SHROOM3: variants seen among roughly 807,000 people sequenced by gnomAD.
The protein encoded by SHROOM3 is protein Shroom3.
SHROOM3 carries 47 observed loss-of-function variants against 138.6 expected under a neutral mutation model. The ratio of observed to expected loss-of-function variants is 0.34; its 90% CI spans 0.27 to 0.43. The LOEUF is 0.43. SHROOM3 is among the 20% of genes least tolerant of loss of function. SHROOM3 has a pLI of 1.00. For synonymous variants in SHROOM3, 1,062 were observed against 1,063.3 expected, an observed-to-expected ratio of 1.00 and a Z score of 0.02; for missense variants, 2,491 against 2,596.5, an observed-to-expected ratio of 0.96 and a Z score of 0.88.
At chr4:76,720,151 G>GTTTTTTTTT (rs59839066) in intron 3 of SHROOM3, among the ~76,000 whole-genome samples, 6 of 83,018 alleles carry the variant, frequency 7.2e-5, no homozygotes, top group Non-Finnish European at 1.3e-4. Context: ...TGTTTTTTAG[G>GTTTTTTTTT]TTTTTTTTTT....
At chr4:76,447,317 T>C (rs12640246) in intron 1 of SHROOM3, among the ~76,000 whole-genome samples, 43,436 of 151,992 alleles carry the variant, frequency 0.29, 6,999 homozygotes, top group East Asian at 0.64. Context: ...AGAAGAAAAA[T>C]TGGACTCTAG....
In SHROOM3 at chr4:76,754,951, T is replaced by C. The variant is rs1041451291; in HGVS notation, c.4468T>C (p.Ser1490Pro). 3 of 1,614,016 alleles carry C rather than the reference T, an allele frequency of 1.9e-6. No homozygotes were observed. The highest frequency in any genetic ancestry group is 1.3e-5 in the African/African-American group (1 of 74,892). The change falls in exon 7 of 11, where the codon TCT becomes CCT. Residue 1490 changes from serine (S) to proline (P), a missense_variant. Transcript: ENST00000296043. Reference sequence around the variant, plus strand: ...TCCAGGGAGGATCTCCCTCCGAATATCTGAGTCTGTCCTGCGGGACTCCCC... The same window carrying C: ...TCCAGGGAGGATCTCCCTCCGAATACCTGAGTCTGTCCTGCGGGACTCCCC... ...STPGRISLRI[S>P]ESVLRDSPPP...
intron 2 of SHROOM3, among the ~76,000 whole-genome samples, chr4:76,607,144 A>C (rs558910596): frequency 1.3e-5 from 2 of 152,316 alleles, no homozygotes; most frequent in East Asian, 3.9e-4. Context: ...AGTTTTATTG[A>C]CTAAAAGCAT....
intron 2 of SHROOM3, among the ~76,000 whole-genome samples, chr4:76,624,263 C>A (rs1434941618): frequency 2.0e-5 from 3 of 152,040 alleles, no homozygotes; most frequent in Non-Finnish European, 4.4e-5. Context: ...TCGTCTGGGG[C>A]CACATCTGTG....
chr4:76,558,375 G>A (rs896728172), intron 2 of SHROOM3, among the ~76,000 whole-genome samples: 8 of 152,210 alleles, frequency 5.3e-5, no homozygotes, highest in Non-Finnish European at 1.0e-4. Flanking sequence ...AGTGAAGTAA[G>A]TGTAAGTACA....
Position 76,563,832 on chromosome 4 carries a change from A to G in SHROOM3, c.323+8069A>G, listed in dbSNP as rs1258068192. 2.0e-5 allele frequency among the ~76,000 whole-genome samples: 3 copies of G among 152,276 alleles called. No homozygotes were observed. In the East Asian group the frequency reaches 5.8e-4, roughly 29 times the overall value. ...CCTGGACACAGAAGACAAATGAGAA[A>G]TATTTCTGTGCCATGGTAAGTTCCA... On this transcript the variant is annotated intron_variant, in intron 2 of 10. Coordinates refer to ENST00000296043, the MANE Select transcript of SHROOM3 (RefSeq NM_020859.4).
intron 2 of SHROOM3, among the ~76,000 whole-genome samples, chr4:76,588,229 A>G (rs895426567): frequency 1.3e-5 from 2 of 152,258 alleles, no homozygotes; most frequent in African/African-American, 4.8e-5. Context: ...CACTCCAAAT[A>G]TGTAATTTAA....
intron 2 of SHROOM3, among the ~76,000 whole-genome samples, chr4:76,666,676 A>C (rs768954304): frequency 6.6e-6 from 1 of 152,188 alleles, no homozygotes; most frequent in Non-Finnish European, 1.5e-5. Context: ...ATGTGGGAAG[A>C]TGTTATAAGA....
At chr4:76,586,180 T>C (rs1734148598) in intron 2 of SHROOM3, 3 of 914,652 alleles carry the variant, frequency 3.3e-6, no homozygotes, top group Non-Finnish European at 3.9e-6. Flanking sequence ...CGGCCGGCGA[T>C]TGGCCGGGAG....
intron 2 of SHROOM3, among the ~76,000 whole-genome samples, chr4:76,570,037 T>C (rs116092122): frequency 6.6e-6 from 1 of 152,276 alleles, no homozygotes; most frequent in African/African-American, 2.4e-5. Flanking sequence ...GGCCTTGATA[T>C]ATAGGTAAAG....
chr4:76,673,973 A>G (rs1721578574), intron 2 of SHROOM3, among the ~76,000 whole-genome samples: 1 of 152,200 alleles, frequency 6.6e-6, no homozygotes, highest in Non-Finnish European at 1.5e-5. Context: ...CCTGGGGTCA[A>G]GTGATCCTCC....
At chr4:76,778,598 A>C (rs962359202) in intron 10 of SHROOM3, among the ~76,000 whole-genome samples, 6 of 152,226 alleles carry the variant, frequency 3.9e-5, no homozygotes, top group African/African-American at 9.6e-5. Context: ...TCTCAAACTG[A>C]AGCTATCCTA....
At chr4:76,769,115 T>C (rs1722260587) in intron 9 of SHROOM3, among the ~76,000 whole-genome samples, 1 of 151,112 alleles carries the variant, frequency 6.6e-6, no homozygotes, top group African/African-American at 2.4e-5. Context: ...TTTTTTTGTG[T>C]GTGTGTTTTT....
intron 2 of SHROOM3, among the ~76,000 whole-genome samples, chr4:76,672,881 C>A (rs183810966): frequency 3.5e-4 from 54 of 152,314 alleles, no homozygotes; most frequent in Non-Finnish European, 5.9e-4. Context: ...CGGATACATG[C>A]ATTTTAATTT....
intron 9 of SHROOM3, among the ~76,000 whole-genome samples, chr4:76,769,177 T>C (rs1478477986): frequency 6.6e-6 from 1 of 151,688 alleles, no homozygotes; most frequent in Non-Finnish European, 1.5e-5. Context: ...GTAACCTTTA[T>C]ATTTAACCAA....
At chr4:76,543,957 A>G (rs1287448207) in intron 1 of SHROOM3, among the ~76,000 whole-genome samples, 1 of 152,196 alleles carries the variant, frequency 6.6e-6, no homozygotes, top group Non-Finnish European at 1.5e-5. Flanking sequence ...ACCTTCTTAG[A>G]CTTCTTATTA....
At chr4:76,689,617 C>T (rs1188520347) in intron 2 of SHROOM3, 1 of 985,138 alleles carries the variant, frequency 1.0e-6, no homozygotes, top group Admixed American at 6.2e-5. Flanking sequence ...GCGCCGCCTC[C>T]TCGGAGCGGC....
chr4:76,563,651 G>T (rs1437837492), intron 2 of SHROOM3, among the ~76,000 whole-genome samples: 1 of 152,204 alleles, frequency 6.6e-6, no homozygotes, highest in Non-Finnish European at 1.5e-5. Context: ...CTCTGGGAAA[G>T]TTATGACATC....
In SHROOM3 at chr4:76,435,799, G is replaced by A; in HGVS notation, c.-254G>A. 2.2e-6 allele frequency: 1 copy of A among 461,200 alleles called. No individual in the cohort carries two copies. Among genetic ancestry groups the A allele is most frequent in the Non-Finnish European group, 3.9e-6 (1 of 257,258 alleles). 28.6% of individuals were successfully genotyped at this position (461,200 alleles called of 1,614,324 possible). On this transcript the variant is annotated 5_prime_UTR_variant, in exon 1 of 11. Coordinates refer to ENST00000296043, the MANE Select transcript of SHROOM3 (RefSeq NM_020859.4). The stretch of plus-strand genomic sequence containing the variant: ...CGGAGTAGAGATGTATACCACTTGG[G>A]GGCTTCAGTGAGAACCCAGAATTCC...
Sources: allele counts gnomAD v4.1 joint callset (sites outside exome capture counted in the v4.1 genomes callset), GRCh38; gene constraint gnomAD v4.1.1; transcripts MANE v1.5; gene names NCBI Gene and HGNC (gene_info 2026-07-23, HGNC 2026-07-21).